The following MAP2K5 variants were observed in gnomAD, a reference collection of about 807,000 sequenced individuals.
The protein encoded by MAP2K5 is mitogen-activated protein kinase kinase 5.
A neutral mutation model predicts 83.1 loss-of-function variants in MAP2K5; 49 were observed. The observed-to-expected ratio is 0.59, with a 90% CI of 0.47 to 0.75. MAP2K5 has a LOEUF of 0.75. Among genes scored for constraint, MAP2K5 ranks in the 30% least tolerant of loss-of-function variants. The pLI, the probability that MAP2K5 is intolerant of heterozygous loss-of-function variation, is 0.00. For missense variants in MAP2K5, 457 were observed against 557.5 expected, an observed-to-expected ratio of 0.82 and a Z score of 1.82; for synonymous variants, 202 against 191.8, an observed-to-expected ratio of 1.05 and a Z score of -0.44.
In MAP2K5 at chr15:67,738,879, C is replaced by A. The variant is rs1448824071; in HGVS notation, c.1075-9352C>A. Among the ~76,000 whole-genome samples, 1 of 152,188 alleles carries A rather than the reference C, an allele frequency of 6.6e-6. No individual in the cohort carries two copies. Among genetic ancestry groups the A allele is most frequent in the Non-Finnish European group, 1.5e-5 (1 of 68,038 alleles). ...CCTCCTCCTGTCCACACCTTCAGCC[C>A]TCTTGCTCATCACCATCTCCCTCCG... On this transcript the variant is annotated intron_variant, in intron 17 of 21. Transcript: ENST00000178640. The surrounding 1 kb of genome is among the most constrained non-coding windows in gnomAD (Gnocchi z 4.1).
chr15:67,761,255 C>T (rs2089943958), intron 19 of MAP2K5, among the ~76,000 whole-genome samples: 1 of 151,854 alleles, frequency 6.6e-6, no homozygotes, highest in South Asian at 2.1e-4. Context: ...CTCTTCTTCC[C>T]TCCCTCCCTC....
chr15:67,695,145 A>T (rs936014162), intron 15 of MAP2K5, among the ~76,000 whole-genome samples: 1 of 151,244 alleles, frequency 6.6e-6, no homozygotes, highest in African/African-American at 2.4e-5. Context: ...GCATTGGGAG[A>T]TATACCTAAT....
chr15:67,780,367 T>C lies in MAP2K5; in HGVS notation c.1242+7615T>C, dbSNP rs1407690141. On this transcript the variant is annotated intron_variant, in intron 21 of 21. Coordinates refer to ENST00000178640, the MANE Select transcript of MAP2K5 (RefSeq NM_145160.3). This position sits in a 1 kb window ranked among gnomAD's most constrained non-coding sequence, Gnocchi z 5.0. Reference sequence around the variant, plus strand: ...TTAATACCTTTTTTCTTCCACTAGATTGTAAGTTCCTTGAAGGAGGATCAT... The same window carrying C: ...TTAATACCTTTTTTCTTCCACTAGACTGTAAGTTCCTTGAAGGAGGATCAT... Among the ~76,000 whole-genome samples, 1 of 152,146 alleles carries C rather than the reference T, an allele frequency of 6.6e-6. No homozygotes were observed. Among genetic ancestry groups the C allele is most frequent in the African/African-American group, 2.4e-5 (1 of 41,426 alleles).
At chr15:67,753,295 C>G (rs1747095347) in intron 19 of MAP2K5, among the ~76,000 whole-genome samples, 1 of 152,162 alleles carries the variant, frequency 6.6e-6, no homozygotes, top group African/African-American at 2.4e-5. Context: ...GCAATGGTTT[C>G]TTAGCTATGA....
At position 67,577,470 on chromosome 15, in the gene MAP2K5, T is replaced by C. The variant is rs1455188677; in HGVS notation, c.253-3284T>C. ...CTGAAGATGAAGTTATTTGGATAAC[T>C]TGAAGTAATATTATGAAGGTTACTT... On this transcript the variant is annotated intron_variant, in intron 3 of 21. Transcript: ENST00000178640. This position sits in a 1 kb window ranked among gnomAD's most constrained non-coding sequence, Gnocchi z 4.1. Among the ~76,000 whole-genome samples, 1 of 152,216 alleles carries C rather than the reference T, an allele frequency of 6.6e-6. No homozygotes were observed. The highest frequency in any genetic ancestry group is 2.4e-5 in the African/African-American group (1 of 41,442).
chr15:67,593,195 C>T (rs1261068126), intron 7 of MAP2K5, among the ~76,000 whole-genome samples: 1 of 152,228 alleles, frequency 6.6e-6, no homozygotes, highest in African/African-American at 2.4e-5. Context: ...ACACACCCTG[C>T]TGCCATCTCA....
chr15:67,763,235 A>T (rs540848840), intron 19 of MAP2K5, among the ~76,000 whole-genome samples: 1 of 152,024 alleles, frequency 6.6e-6, no homozygotes, highest in Non-Finnish European at 1.5e-5. Context: ...TATCTGCATC[A>T]TGAAATCAAA....
intron 11 of MAP2K5, among the ~76,000 whole-genome samples, chr15:67,658,009 A>AT (rs553243484): frequency 1.3e-5 from 2 of 152,022 alleles, no homozygotes; most frequent in Non-Finnish European, 2.9e-5. Flanking sequence ...CTGGAATACA[A>AT]TTTTTTTATA....
chr15:67,747,326 A>G lies in MAP2K5; in HGVS notation c.1075-905A>G, dbSNP rs2089626345. On this transcript the variant is annotated intron_variant, in intron 17 of 21. Transcript: ENST00000178640. This position sits in a 1 kb window ranked among gnomAD's most constrained non-coding sequence, Gnocchi z 4.1. ...TTGGAGCCCAGTTATCTCAGAAAAC[A>G]GTTGACCCATCAGTATTTGGTTCCT... is the stretch of plus-strand genomic sequence containing the variant. 6.6e-6 allele frequency among the ~76,000 whole-genome samples: 1 copy of G among 152,234 alleles called. No homozygotes were observed. The highest frequency in any genetic ancestry group is 1.5e-5 in the Non-Finnish European group (1 of 68,032).
chr15:67,571,801 C>T (rs2084951537), intron 3 of MAP2K5, among the ~76,000 whole-genome samples: 1 of 152,142 alleles, frequency 6.6e-6, no homozygotes, highest in Non-Finnish European at 1.5e-5. Flanking sequence ...AGGTCACTCA[C>T]TCGCTGGTTT....
intron 6 of MAP2K5, among the ~76,000 whole-genome samples, chr15:67,591,660 C>T (rs59158437): frequency 0.15 from 22,034 of 151,578 alleles, 2,068 homozygotes; most frequent in African/African-American, 0.25. Flanking sequence ...TGAGCCACCG[C>T]GCCGGCCCCT....
At chr15:67,549,329 T>A in intron 1 of MAP2K5, 1 of 813,060 alleles carries the variant, frequency 1.2e-6, no homozygotes, top group Non-Finnish European at 2.0e-6. Context: ...ATTTTTGTTG[T>A]AGGCTAGATT....
intron 12 of MAP2K5, chr15:67,659,112 T>G (rs1180412015): frequency 4.2e-6 from 1 of 239,644 alleles, no homozygotes; most frequent in African/African-American, 2.3e-5. Flanking sequence ...CCTTTGTGAT[T>G]TAAAGCAGTT....
intron 3 of MAP2K5, among the ~76,000 whole-genome samples, chr15:67,578,022 T>G (rs940671531): frequency 6.6e-6 from 1 of 152,098 alleles, no homozygotes. Flanking sequence ...AACCCCAATT[T>G]GTTTTGCAGT....
Position 67,640,693 on chromosome 15 carries a change from C to A in MAP2K5, c.586-5538C>A. The A allele has an allele frequency of 2.0e-6, 1 of 504,578 alleles. No individual in the cohort carries two copies. Among genetic ancestry groups the A allele is most frequent in the Non-Finnish European group, 2.6e-6 (1 of 390,612 alleles). The allele number at this position is 504,578 out of a possible 1,614,324, so 31.3% of individuals were successfully genotyped here. ...GAGTCCTTGAAAATCTGTTGCTTTT[C>A]CTACTCAAAATGTTTCTCATGTTAT... On this transcript the variant is annotated intron_variant, in intron 9 of 21. Coordinates refer to ENST00000178640, the MANE Select transcript of MAP2K5 (RefSeq NM_145160.3). The surrounding 1 kb of genome is among the most constrained non-coding windows in gnomAD (Gnocchi z 4.6).
chr15:67,730,808 A>C (rs919370858), intron 17 of MAP2K5, among the ~76,000 whole-genome samples: 1 of 152,162 alleles, frequency 6.6e-6, no homozygotes, highest in Non-Finnish European at 1.5e-5. Context: ...ACTAGTGGCA[A>C]ATTGAGAGGA....
At chr15:67,767,053 G>A (rs954383362) in intron 19 of MAP2K5, among the ~76,000 whole-genome samples, 5 of 152,232 alleles carry the variant, frequency 3.3e-5, no homozygotes, top group Admixed American at 6.5e-5. Context: ...TGCTGGCTGT[G>A]GTTCTGCAAA....
At chr15:67,581,127 T>C (rs2085172287) in intron 4 of MAP2K5, among the ~76,000 whole-genome samples, 1 of 152,212 alleles carries the variant, frequency 6.6e-6, no homozygotes, top group Non-Finnish European at 1.5e-5. Flanking sequence ...AATGAATGAC[T>C]TTAATTCTGG....
chr15:67,805,110 A>C (rs1242513182), intron 21 of MAP2K5, among the ~76,000 whole-genome samples: 1 of 152,204 alleles, frequency 6.6e-6, no homozygotes, highest in Non-Finnish European at 1.5e-5. Flanking sequence ...GCTCCACCCC[A>C]GTCTCAGCGG....
Sources: gnomAD v4.1 joint callset for allele counts (sites outside exome capture counted in the v4.1 genomes callset) on GRCh38, gnomAD v4.1.1 for gene constraint, Gnocchi (gnomAD v3.1) non-coding constraint, MANE v1.5 for transcripts, NCBI Gene and HGNC (gene_info 2026-07-23, HGNC 2026-07-21) for gene names.